Variants in GALNT9 observed in about 807,000 individuals in gnomAD.
The protein encoded by GALNT9 is polypeptide N-acetylgalactosaminyltransferase 9, also known as GalNAc transferase 9.
A neutral mutation model predicts 63.1 loss-of-function variants in GALNT9; 47 were observed. The ratio of observed to expected loss-of-function variants is 0.75; its 90% CI spans 0.59 to 0.95. The LOEUF (loss-of-function observed/expected upper bound fraction) is 0.95. Ranked by LOEUF, GALNT9 falls within the 40% of genes least tolerant of loss-of-function variation. The pLI, the probability that GALNT9 is intolerant of heterozygous loss-of-function variation, is 0.00. For synonymous variants in GALNT9, 396 were observed against 365.7 expected, an observed-to-expected ratio of 1.08 and a Z score of -0.94; for missense variants, 829 against 874.8, an observed-to-expected ratio of 0.95 and a Z score of 0.66.
intron 2 of GALNT9, chr12:132,280,052 TG>T (rs1880276306): frequency 6.6e-6 from 1 of 152,490 alleles, no homozygotes; most frequent in Non-Finnish European, 1.5e-5. Context: ...CCAGGTCTCC[TG>T]GATTCTGCCT....
intron 1 of GALNT9, among the ~76,000 whole-genome samples, chr12:132,314,771 G>A (rs535917843): frequency 3.8e-4 from 58 of 152,262 alleles, no homozygotes; most frequent in African/African-American, 9.9e-4. Flanking sequence ...AGTGTGAATC[G>A]GATCAAACCC....
intron 2 of GALNT9, among the ~76,000 whole-genome samples, chr12:132,271,155 C>T (rs1384434118): frequency 6.6e-6 from 1 of 152,190 alleles, no homozygotes; most frequent in Non-Finnish European, 1.5e-5. Context: ...GCAGCAGTGG[C>T]CATGTGGGGC....
chr12:132,304,489 ACACACCCTTGCCCGGG>A (rs1881480817), intron 1 of GALNT9, among the ~76,000 whole-genome samples: 1 of 36,788 alleles, frequency 2.7e-5, no homozygotes, highest in African/African-American at 1.6e-4. Flanking sequence ...GCTCACCCAG[ACACACCCTTGCCCGGG>A]CACACCCTCG....
rs908793467 is a variant in GALNT9, at chr12:132,261,023, C to T, written c.686G>A (p.Arg229Gln). ...GGTGGCCGCCTTCCAGCCCTGCAGCCGCGCGCGGATCAGTCCTTCCCGCCG... is the reference window on the plus strand; with the variant it reads ...GGTGGCCGCCTTCCAGCCCTGCAGCTGCGCGCGGATCAGTCCTTCCCGCCG... ...NSRREGLIRA[R>Q]LQGWKAATAP... The change falls in exon 4 of 11, where the codon CGG becomes CAG. Residue 229 changes from arginine (R) to glutamine (Q), a missense_variant. Transcript: ENST00000328957. The T allele has an allele frequency of 5.5e-5, 86 of 1,550,816 alleles. No homozygotes were observed. Among genetic ancestry groups the T allele is most frequent in the Non-Finnish European group, 6.4e-5 (73 of 1,146,840 alleles).
At chr12:132,253,310 CAG>C (rs782726927) in intron 5 of GALNT9, among the ~76,000 whole-genome samples, 12 of 151,806 alleles carry the variant, frequency 7.9e-5, no homozygotes, top group Non-Finnish European at 1.6e-4. Context: ...GCTGGTGGAG[CAG>C]AGTGTTCCCT....
intron 5 of GALNT9, among the ~76,000 whole-genome samples, chr12:132,251,062 G>A (rs1369358896): frequency 1.3e-5 from 2 of 152,326 alleles, no homozygotes; most frequent in African/African-American, 4.8e-5. Flanking sequence ...TTTGGAACAC[G>A]TCGAGAATAA....
intron 6 of GALNT9, among the ~76,000 whole-genome samples, chr12:132,237,075 G>A (rs2136895157): frequency 8.5e-5 from 13 of 152,186 alleles, no homozygotes; most frequent in African/African-American, 3.1e-4. Context: ...GGAGCCCAGG[G>A]CTGCCCTGAC....
At chr12:132,198,018 A>G (rs1046864459) in intron 9 of GALNT9, 59 bp from the exon 10 acceptor site, 56 of 1,417,678 alleles carry the variant, frequency 4.0e-5, no homozygotes, top group Non-Finnish European at 4.3e-5. Context: ...CCCAGTGAGC[A>G]CTGACAGGCC....
chr12:132,199,072 A>AC, intron 9 of GALNT9, 102 bp downstream of exon 9: 1 of 737,648 alleles, frequency 1.4e-6, no homozygotes, highest in Non-Finnish European at 2.3e-6. Flanking sequence ...GCCTCAGAAC[A>AC]CCCCAGCAGG....
chr12:132,245,640 A>G lies in GALNT9; in HGVS notation c.1077+2270T>C, dbSNP rs1330256640. Among the ~76,000 whole-genome samples the G allele has an allele frequency of 3.5e-5, 5 of 141,124 alleles. No homozygotes were observed. The highest frequency in any genetic ancestry group is 2.1e-4 in the East Asian group (1 of 4,790). 92.6% of individuals were successfully genotyped at this position (141,124 alleles called of 152,430 possible). The stretch of plus-strand genomic sequence containing the variant: ...GCCCAGCCAGGGCCCTCCGTGGTCC[A>G]GCACCCACACCCCCAGCCCGGCCTG... On this transcript the variant is annotated intron_variant, in intron 6 of 10. Transcript: ENST00000328957. The surrounding 1 kb of genome is among the most constrained non-coding windows in gnomAD (Gnocchi z 6.3).
At chr12:132,287,583 C>T (rs531541801) in intron 1 of GALNT9, among the ~76,000 whole-genome samples, 5 of 152,126 alleles carry the variant, frequency 3.3e-5, no homozygotes, top group Non-Finnish European at 5.9e-5. Context: ...CCCGTGTGGC[C>T]GCCGGCGTGA....
rs576909986 is a variant in GALNT9 at position 132,301,882 on chromosome 12, C to T, written c.239-15452G>A. 1.4e-3 allele frequency among the ~76,000 whole-genome samples: 218 copies of T among 152,356 alleles called. 1 individual carries two copies. Among genetic ancestry groups the T allele is most frequent in the African/African-American group, 4.9e-3 (202 of 41,578 alleles). Reference sequence around the variant, plus strand: ...CCACATAAAGTTATGGCCACAGATGCCTTCTGTGCCGTCAGAGGTAGAATT... The same window carrying T: ...CCACATAAAGTTATGGCCACAGATGTCTTCTGTGCCGTCAGAGGTAGAATT... On this transcript the variant is annotated intron_variant, in intron 1 of 10. Coordinates refer to ENST00000328957, the MANE Select transcript of GALNT9 (RefSeq NM_001122636.2).
chr12:132,230,229 G>A (rs958887490), intron 6 of GALNT9, among the ~76,000 whole-genome samples: 9 of 152,308 alleles, frequency 5.9e-5, no homozygotes, highest in Admixed American at 3.3e-4. Context: ...ATGTGTGTGC[G>A]TGCCCCTTGC....
chr12:132,240,863 AG>A, intron 6 of GALNT9: 1 of 286,354 alleles, frequency 3.5e-6, no homozygotes. Context: ...CCCCCTTCCC[AG>A]GGCCGTCCCT....
At chr12:132,259,395 T>C (rs1337024121) in intron 4 of GALNT9, among the ~76,000 whole-genome samples, 1 of 152,124 alleles carries the variant, frequency 6.6e-6, no homozygotes, top group Non-Finnish European at 1.5e-5. Context: ...GGGGTGACAT[T>C]GTGGGGGGCA....
intron 2 of GALNT9, among the ~76,000 whole-genome samples, chr12:132,285,798 C>T (rs1372924902): frequency 2.6e-5 from 4 of 152,012 alleles, no homozygotes; most frequent in Admixed American, 6.5e-5. Context: ...GAAGGATGCC[C>T]GCAGCCAAAA....
At chr12:132,205,663 AG>A (rs1342392693) in intron 6 of GALNT9, 1 of 152,274 alleles carries the variant, frequency 6.6e-6, no homozygotes, top group Non-Finnish European at 1.5e-5. Flanking sequence ...TTTCTGCATC[AG>A]GTTCACATCG....
At chr12:132,306,896 G>A (rs59024071) in intron 1 of GALNT9, among the ~76,000 whole-genome samples, 8 of 152,292 alleles carry the variant, frequency 5.3e-5, no homozygotes, top group South Asian at 2.1e-4. Flanking sequence ...CCGAGGGAGC[G>A]CACTGTTCTA....
chr12:132,256,602 G>GTGGAGGGGGAACAC (rs1249294592), intron 5 of GALNT9, among the ~76,000 whole-genome samples: 1 of 119,698 alleles, frequency 8.4e-6, no homozygotes, highest in Non-Finnish European at 1.8e-5. Flanking sequence ...GAGGGGGACA[G>GTGGAGGGGGAACAC]TGGAGGGGGA....
Sources: allele counts gnomAD v4.1 joint callset (sites outside exome capture counted in the v4.1 genomes callset), GRCh38; gene constraint gnomAD v4.1.1; non-coding constraint Gnocchi (gnomAD v3.1); transcripts MANE v1.5; gene names NCBI Gene and HGNC (gene_info 2026-07-23, HGNC 2026-07-21).